Variants in SMARCA2 observed in about 807,000 individuals in gnomAD.
SMARCA2 encodes the protein SWI/SNF-related matrix-associated actin-dependent regulator of chromatin subfamily A member 2.
SMARCA2 carries 61 observed loss-of-function variants against 199.8 expected under a neutral mutation model. The ratio of observed to expected loss-of-function variants is 0.31; its 90% CI spans 0.25 to 0.38. SMARCA2 has a LOEUF of 0.38. Ranked by LOEUF, SMARCA2 falls within the 10% of genes least tolerant of loss-of-function variation. The pLI, the probability that SMARCA2 is intolerant of heterozygous loss-of-function variation, is 1.00. For synonymous variants in SMARCA2, 935 were observed against 732.0 expected, an observed-to-expected ratio of 1.28 and a Z score of -4.48; for missense variants, 1,344 against 2,012.2, an observed-to-expected ratio of 0.67 and a Z score of 6.35.
Position 2,056,059 on chromosome 9 carries a change from A to G in SMARCA2, c.1174-613A>G, listed in dbSNP as rs549575688. 1.3e-5 allele frequency among the ~76,000 whole-genome samples: 2 copies of G among 152,218 alleles called. No individual in the cohort carries two copies. The highest frequency in any genetic ancestry group is 4.8e-5 in the African/African-American group (2 of 41,466). On this transcript the variant is annotated intron_variant, in intron 6 of 33. Coordinates refer to ENST00000349721, the MANE Select transcript of SMARCA2 (RefSeq NM_003070.5). This position sits in a 1 kb window ranked among gnomAD's most constrained non-coding sequence, Gnocchi z 4.0. ...ACCCCCTACCACCACATAACATGCA[A>G]TACAGATAAAAGTATTACATTTGTG... is the stretch of plus-strand genomic sequence containing the variant.
At chr9:2,177,804 T>A (rs1031585569) in intron 29 of SMARCA2, among the ~76,000 whole-genome samples, 2 of 152,226 alleles carry the variant, frequency 1.3e-5, no homozygotes, top group South Asian at 2.1e-4. Flanking sequence ...GGCCCGCCTC[T>A]GCCTCCCAAA....
intron 29 of SMARCA2, chr9:2,181,203 C>CT (rs1826997882): frequency 1.9e-5 from 3 of 154,678 alleles, no homozygotes; most frequent in Non-Finnish European, 2.8e-5. Context: ...TATATATGTA[C>CT]GTGTATATAT....
At chr9:2,080,837 A>G (rs1022788431) in intron 14 of SMARCA2, among the ~76,000 whole-genome samples, 1 of 152,182 alleles carries the variant, frequency 6.6e-6, no homozygotes, top group Non-Finnish European at 1.5e-5. Flanking sequence ...ACTTCTTGGC[A>G]TATGTGTATA....
intron 27 of SMARCA2, among the ~76,000 whole-genome samples, chr9:2,125,769 C>T (rs1823661148): frequency 1.3e-5 from 2 of 152,162 alleles, no homozygotes; most frequent in Admixed American, 1.3e-4. Context: ...GGATTACAGG[C>T]GTGAGCCACC....
At chr9:2,097,770 A>G (rs1172473807) in intron 21 of SMARCA2, among the ~76,000 whole-genome samples, 1 of 152,206 alleles carries the variant, frequency 6.6e-6, no homozygotes, top group Non-Finnish European at 1.5e-5. Context: ...AGTACTGTGA[A>G]TTACCTTGTT....
chr9:2,148,936 T>C (rs80050901), intron 27 of SMARCA2, among the ~76,000 whole-genome samples: 1 of 151,600 alleles, frequency 6.6e-6, no homozygotes, highest in African/African-American at 2.4e-5. Context: ...ACTCTTCATG[T>C]TGATTTCAGC....
At chr9:2,156,265 G>T (rs1825352798) in intron 27 of SMARCA2, among the ~76,000 whole-genome samples, 1 of 152,136 alleles carries the variant, frequency 6.6e-6, no homozygotes, top group Non-Finnish European at 1.5e-5. Context: ...GCTAATATGT[G>T]CTGTGTGTCG....
In SMARCA2 at chr9:2,090,746, G is replaced by GC. The variant is rs557171470; in HGVS notation, c.2883+2140dup. Among the ~76,000 whole-genome samples, 487 of 152,108 alleles carry GC rather than the reference G, an allele frequency of 3.2e-3. 2 individuals carry two copies. Among genetic ancestry groups the GC allele is most frequent in the Admixed American group, 4.9e-3 (75 of 15,272 alleles). ...TCTTGTCTTTGCTCTCCTTCCGGTA[G>GC]CCCCCCCACATCTCTCTCCATAAAC... On this transcript the variant is annotated intron_variant, in intron 19 of 33. Transcript: ENST00000349721.
chr9:2,128,724 G>A (rs1441455413), intron 27 of SMARCA2, among the ~76,000 whole-genome samples: 1 of 152,264 alleles, frequency 6.6e-6, no homozygotes, highest in Non-Finnish European at 1.5e-5. Context: ...TTGTGAGTGA[G>A]AGGCCTAAAG....
intron 27 of SMARCA2, among the ~76,000 whole-genome samples, chr9:2,155,720 CTTTTTTTTTTTTTTTTTTTTTTTTTT>C (rs59156319): frequency 0.063 from 3,380 of 53,306 alleles, 203 homozygotes; most frequent in African/African-American, 0.2. Flanking sequence ...AAGAGAAAAC[CTTTTTTTTTTTTTTTTTTTTTTTTTT>C]TTTTTTTTTT....
At chr9:2,141,355 T>G (rs1468205003) in intron 27 of SMARCA2, among the ~76,000 whole-genome samples, 1 of 152,172 alleles carries the variant, frequency 6.6e-6, no homozygotes, top group African/African-American at 2.4e-5. Flanking sequence ...GTTTTTGGAT[T>G]TCGCATTTAG....
At position 2,115,399 on chromosome 9, in the gene SMARCA2, A is replaced by T. The variant is rs1183631623; in HGVS notation, c.3457-423A>T. Among the ~76,000 whole-genome samples the T allele has an allele frequency of 6.6e-6, 1 of 152,186 alleles. No individual in the cohort carries two copies. Among genetic ancestry groups the T allele is most frequent in the African/African-American group, 2.4e-5 (1 of 41,448 alleles). On this transcript the variant is annotated intron_variant, in intron 24 of 33. Transcript: ENST00000349721. This position sits in a 1 kb window ranked among gnomAD's most constrained non-coding sequence, Gnocchi z 6.0. ...ATACCTGAATGTACAACTCAGTGAT[A>T]TTTTTAAAATAATCTTCAACACATC... is the stretch of plus-strand genomic sequence containing the variant.
In SMARCA2 at chr9:2,029,118, A is replaced by G; in HGVS notation, c.96A>G (p.Gly32=). 6.2e-7 allele frequency: 1 copy of G among 1,605,160 alleles called. No individual in the cohort carries two copies. Among genetic ancestry groups the G allele is most frequent in the South Asian group, 1.1e-5 (1 of 89,456 alleles). The change falls in exon 2 of 34, where the codon GGA becomes GGG. Residue 32 remains glycine (G), a synonymous_variant. Transcript: ENST00000349721. ...GGCCAATTCTTGGGCCTAGTCCAGG[A>G]CCAGGACCATCCCCAGGTTCCGTCC... ...SPGPILGPSP[G]PGPSPGSVHS... is the part of the protein sequence containing the mutation.
At chr9:2,071,987 T>C (rs967894877) in intron 10 of SMARCA2, 10 of 152,232 alleles carry the variant, frequency 6.6e-5, no homozygotes, top group Non-Finnish European at 1.5e-4. Flanking sequence ...TTTTTAAGGT[T>C]ATTTTTGTGG....
At chr9:2,105,755 T>C (rs1006945731) in intron 23 of SMARCA2, among the ~76,000 whole-genome samples, 1 of 152,220 alleles carries the variant, frequency 6.6e-6, no homozygotes, top group African/African-American at 2.4e-5. Flanking sequence ...AACTGTCCTT[T>C]ACCTGCTGCT....
intron 32 of SMARCA2, 151 bp from the exon 33 acceptor site, chr9:2,191,115 G>A: frequency 1.4e-6 from 1 of 737,208 alleles, no homozygotes; most frequent in Non-Finnish European, 2.3e-6. Context: ...TCGCTGACTA[G>A]ACAGAACCAC....
chr9:2,076,824 C>G (rs996469583), intron 13 of SMARCA2, among the ~76,000 whole-genome samples: 4 of 152,184 alleles, frequency 2.6e-5, no homozygotes, highest in Admixed American at 2.0e-4. Flanking sequence ...CCTCTCCAGC[C>G]CTCCGAGTGC....
At chr9:2,068,385 T>A (rs1367153868) in intron 9 of SMARCA2, among the ~76,000 whole-genome samples, 3 of 152,038 alleles carry the variant, frequency 2.0e-5, no homozygotes, top group Non-Finnish European at 4.4e-5. Context: ...CATTTTTTTT[T>A]ATGCCTTGTG....
chr9:2,175,006 C>T (rs560323409), intron 29 of SMARCA2, among the ~76,000 whole-genome samples: 9 of 144,068 alleles, frequency 6.2e-5, no homozygotes, highest in African/African-American at 2.1e-4. Context: ...TGGAAGGGAA[C>T]GTGTGGGTTC....
Sources: allele counts gnomAD v4.1 joint callset (sites outside exome capture counted in the v4.1 genomes callset), GRCh38; gene constraint gnomAD v4.1.1; non-coding constraint Gnocchi (gnomAD v3.1); transcripts MANE v1.5; gene names NCBI Gene and HGNC (gene_info 2026-07-23, HGNC 2026-07-21).